FAF1: variants seen among roughly 807,000 people sequenced by gnomAD.
FAF1 encodes the protein Fas associated factor 1.
In FAF1, 25 loss-of-function variants were observed where a neutral mutation model predicts 92.5. The ratio of observed to expected loss-of-function variants is 0.27; its 90% confidence interval spans 0.20 to 0.38. FAF1 has a LOEUF of 0.38. Ranked by LOEUF, FAF1 falls within the 10% of genes least tolerant of loss-of-function variation. The pLI is 1.00. For synonymous variants in FAF1, 234 were observed against 273.2 expected, an observed-to-expected ratio of 0.86 and a Z score of 1.42; for missense variants, 636 against 793.3, an observed-to-expected ratio of 0.80 and a Z score of 2.38.
At chr1:50,932,833 G>A (rs959189943) in intron 1 of FAF1, among the ~76,000 whole-genome samples, 2 of 152,176 alleles carry the variant, frequency 1.3e-5, no homozygotes, top group Non-Finnish European at 2.9e-5. Context: ...AGGCATTTCC[G>A]TACATCTTCT....
chr1:50,913,527 AAG>A (rs1644900671), intron 1 of FAF1, among the ~76,000 whole-genome samples: 1 of 152,192 alleles, frequency 6.6e-6, no homozygotes, highest in Non-Finnish European at 1.5e-5. Flanking sequence ...TCAAAAAAGG[AAG>A]AGAATCTGTA....
intron 8 of FAF1, among the ~76,000 whole-genome samples, chr1:50,626,275 ACCTAC>A (rs934738839): frequency 1.3e-5 from 2 of 152,206 alleles, no homozygotes; most frequent in African/African-American, 4.8e-5. Flanking sequence ...TTTATTGAGC[ACCTAC>A]TATCCAAAGG....
Position 50,894,646 on chromosome 1 carries a change from A to C in FAF1, c.46-36649T>G, listed in dbSNP as rs138453648. On this transcript the variant is annotated intron_variant, in intron 1 of 18. Coordinates refer to ENST00000396153, the MANE Select transcript of FAF1 (RefSeq NM_007051.3). ...AAACAAGTCTTAAGACACTAAAAAA[A>C]AAAAATGAAATAATATAAAGTACCT... 6.9e-3 allele frequency among the ~76,000 whole-genome samples: 1,045 copies of C among 152,296 alleles called. 13 individuals carry two copies. Among genetic ancestry groups the C allele is most frequent in the African/African-American group, 0.024 (989 of 41,562 alleles).
chr1:50,571,247 C>T (rs1445587798), intron 12 of FAF1, among the ~76,000 whole-genome samples: 1 of 152,146 alleles, frequency 6.6e-6, no homozygotes, highest in African/African-American at 2.4e-5. Flanking sequence ...TCTGGCAGAC[C>T]ACAAAGGCAA....
intron 1 of FAF1, among the ~76,000 whole-genome samples, chr1:50,952,337 T>C (rs918704950): frequency 1.4e-4 from 21 of 152,368 alleles, no homozygotes; most frequent in African/African-American, 5.1e-4. Context: ...TTCCAGCTCC[T>C]GACCGCGAGT....
chr1:50,475,341 A>G (rs1646625399), intron 18 of FAF1, 123 bp downstream of exon 18: 1 of 719,894 alleles, frequency 1.4e-6, no homozygotes, highest in Admixed American at 2.4e-5. Context: ...AGAACAAAGA[A>G]GGACTCCTGT....
chr1:50,490,509 AGG>A, intron 17 of FAF1, 77 bp downstream of exon 17: 2 of 728,662 alleles, frequency 2.7e-6, no homozygotes, highest in East Asian at 2.8e-5. Flanking sequence ...GAAGGAAGGA[AGG>A]AAGGAAGGTA....
At chr1:50,852,141 T>C (rs1269474800) in intron 2 of FAF1, among the ~76,000 whole-genome samples, 2 of 152,146 alleles carry the variant, frequency 1.3e-5, no homozygotes, top group Non-Finnish European at 2.9e-5. Flanking sequence ...AAAGTATTTC[T>C]CAAAAAAAGC....
At chr1:50,521,713 C>T (rs894768353) in intron 15 of FAF1, among the ~76,000 whole-genome samples, 5 of 152,166 alleles carry the variant, frequency 3.3e-5, no homozygotes, top group Non-Finnish European at 4.4e-5. Context: ...AATGCTTTTA[C>T]AGTAATAAAT....
chr1:50,711,899 C>T (rs1657950475), intron 6 of FAF1, among the ~76,000 whole-genome samples: 1 of 152,076 alleles, frequency 6.6e-6, no homozygotes, highest in African/African-American at 2.4e-5. Context: ...ATTCACTTAG[C>T]CATTAATAAT....
At chr1:50,476,596 AAACCTTTTTTG>A (rs1646641906) in intron 17 of FAF1, among the ~76,000 whole-genome samples, 1 of 152,208 alleles carries the variant, frequency 6.6e-6, no homozygotes. Context: ...AAAATCACTA[AAACCTTTTTTG>A]TCTAGAACCC....
Position 50,645,784 on chromosome 1 carries a change from C to T in FAF1, c.744+9658G>A, listed in dbSNP as rs144737888. On this transcript the variant is annotated intron_variant, in intron 8 of 18. Transcript: ENST00000396153. ...CGGAGGTTGCGGTGAGCTGAGATCA[C>T]GCCACTGCAGTCCAGCCTGGGGGAC... Among the ~76,000 whole-genome samples the T allele has an allele frequency of 4.5e-3, 680 of 151,346 alleles. 8 individuals carry two copies. Among genetic ancestry groups the T allele is most frequent in the African/African-American group, 0.015 (611 of 41,204 alleles).
intron 2 of FAF1, among the ~76,000 whole-genome samples, chr1:50,822,407 T>C (rs1644051207): frequency 1.3e-5 from 2 of 152,194 alleles, no homozygotes; most frequent in Non-Finnish European, 2.9e-5. Flanking sequence ...AATAGCAGAC[T>C]GGAAAAACTA....
At chr1:50,479,882 T>C (rs1171526096) in intron 17 of FAF1, among the ~76,000 whole-genome samples, 1 of 152,140 alleles carries the variant, frequency 6.6e-6, no homozygotes, top group African/African-American at 2.4e-5. Flanking sequence ...GATTTGAATA[T>C]CCAACAGTTC....
intron 8 of FAF1, among the ~76,000 whole-genome samples, chr1:50,621,337 C>T (rs1653192046): frequency 1.3e-5 from 2 of 149,332 alleles, no homozygotes; most frequent in South Asian, 4.3e-4. Flanking sequence ...AGCAGGAGGG[C>T]TTGCAGATAT....
chr1:50,652,242 T>G (rs1367870982), intron 8 of FAF1, among the ~76,000 whole-genome samples: 1 of 152,224 alleles, frequency 6.6e-6, no homozygotes, highest in Admixed American at 6.5e-5. Context: ...TTTTAGCTGC[T>G]TTCCATATTT....
intron 8 of FAF1, among the ~76,000 whole-genome samples, chr1:50,599,882 T>G (rs548441888): frequency 6.6e-6 from 1 of 152,338 alleles, no homozygotes; most frequent in East Asian, 1.9e-4. Context: ...GACTTAGAAC[T>G]GTTTTGGGTT....
chr1:50,719,120 T>C (rs561771245), intron 6 of FAF1, among the ~76,000 whole-genome samples: 1 of 152,218 alleles, frequency 6.6e-6, no homozygotes, highest in East Asian at 1.9e-4. Flanking sequence ...TTGTATTTCA[T>C]TCAGGATTTT....
rs577910148 is a variant in FAF1, at chr1:50,608,014, T to C, written c.745-11798A>G. On this transcript the variant is annotated intron_variant, in intron 8 of 18. Transcript: ENST00000396153. ...TTATTGAAGTGGCAGTGTACAACAG[T>C]AGCAAAGCTACTGCTCCTTGCGGAG... is the stretch of plus-strand genomic sequence containing the variant. Among the ~76,000 whole-genome samples the C allele has an allele frequency of 8.3e-4, 126 of 152,330 alleles. 2 individuals are homozygous for C. In the South Asian group the frequency reaches 0.012, roughly 14 times the overall value.
Sources: allele counts gnomAD v4.1 joint callset (sites outside exome capture counted in the v4.1 genomes callset), GRCh38; gene constraint gnomAD v4.1.1; transcripts MANE v1.5; gene names NCBI Gene and HGNC (gene_info 2026-07-23, HGNC 2026-07-21).